Variants in PCDHGA2 observed in about 807,000 individuals in gnomAD.
PCDHGA2 encodes the protein protocadherin gamma-A2.
Under a neutral mutation model 59.2 loss-of-function variants are expected in PCDHGA2, and 40 were observed. The ratio of observed to expected loss-of-function variants is 0.68; its 90% CI spans 0.52 to 0.88. The LOEUF is 0.88. Among genes scored for constraint, PCDHGA2 ranks in the 40% least tolerant of loss-of-function variants. The pLI is 0.00. For missense variants in PCDHGA2, 1,226 were observed against 1,204.0 expected, an observed-to-expected ratio of 1.02 and a Z score of -0.27; for synonymous variants, 560 against 526.0, an observed-to-expected ratio of 1.06 and a Z score of -0.89.
intron 1 of PCDHGA2, among the ~76,000 whole-genome samples, chr5:141,484,720 G>A (rs1458277947): frequency 2.6e-5 from 4 of 151,988 alleles, no homozygotes; most frequent in African/African-American, 7.2e-5. Flanking sequence ...GAAAAGGGGC[G>A]GGGTCAGTCG....
intron 1 of PCDHGA2, among the ~76,000 whole-genome samples, chr5:141,483,646 GTT>G (rs2099584256): frequency 6.8e-6 from 1 of 146,706 alleles, no homozygotes; most frequent in Admixed American, 6.7e-5. Flanking sequence ...AGGGGTGTGT[GTT>G]TGTGTGTGTG....
chr5:141,485,074 G>C lies in PCDHGA2; in HGVS notation c.2425-9733G>C, dbSNP rs2099606548. ...GGCCGAACCGCGCCAGAGCTGGCGC[G>C]GGGAAAGGGAGATAGGTGTCTCCAG... On this transcript the variant is annotated intron_variant, in intron 1 of 3. Coordinates refer to ENST00000394576, the MANE Select transcript of PCDHGA2 (RefSeq NM_018915.4). The surrounding 1 kb of genome is among the most constrained non-coding windows in gnomAD (Gnocchi z 5.7). 1 of 926,946 alleles carries C rather than the reference G, an allele frequency of 1.1e-6. No individual in the cohort carries two copies. The highest frequency in any genetic ancestry group is 1.6e-5 in the South Asian group (1 of 62,606). The allele number at this position is 926,946 out of a possible 1,614,324, so 57.4% of individuals were successfully genotyped here.
chr5:141,371,538 A>G, intron 1 of PCDHGA2: 1 of 1,613,804 alleles, frequency 6.2e-7, no homozygotes, highest in Non-Finnish European at 8.5e-7. Context: ...TAATGGAGAA[A>G]TCCTATGCCA....
intron 1 of PCDHGA2, chr5:141,383,906 C>T (rs1779578930): frequency 6.2e-7 from 1 of 1,613,814 alleles, no homozygotes; most frequent in African/African-American, 1.3e-5. Flanking sequence ...GTACTGATCA[C>T]AGTTTTAGAT....
At position 141,350,326 on chromosome 5, in the gene PCDHGA2, G is replaced by T. The variant is rs369048621; in HGVS notation, c.2424+8931G>T. On this transcript the variant is annotated intron_variant, in intron 1 of 3. Transcript: ENST00000394576. ...TACTGTTTCCCTTCCTGCTGTCTTT[G>T]TTCTGCGGGGCCATCTCCCAGCAGA... 9 of 1,534,408 alleles carry T rather than the reference G, an allele frequency of 5.9e-6. No individual in the cohort carries two copies. Among genetic ancestry groups the T allele is most frequent in the African/African-American group, 1.4e-5 (1 of 72,254 alleles).
In PCDHGA2 at chr5:141,364,711, T is replaced by C. The variant is rs370237297; in HGVS notation, c.2424+23316T>C. ...TAGAAGTAGAAATAATCGATATTAA[T>C]GATAACTTCCCGCGTTTCCGGGATG... On this transcript the variant is annotated intron_variant, in intron 1 of 3. Transcript: ENST00000394576. 48 of 1,613,870 alleles carry C rather than the reference T, an allele frequency of 3.0e-5. No homozygotes were observed. In the African/African-American group the frequency reaches 5.1e-4, roughly 17 times the overall value.
chr5:141,449,876 C>G (rs924666805), intron 1 of PCDHGA2, among the ~76,000 whole-genome samples: 2 of 151,724 alleles, frequency 1.3e-5, no homozygotes, highest in Non-Finnish European at 2.9e-5. Flanking sequence ...AATTTAACAT[C>G]AATGCAATAT....
intron 1 of PCDHGA2, chr5:141,372,944 T>C: frequency 5.1e-6 from 4 of 788,876 alleles, no homozygotes; most frequent in Non-Finnish European, 7.7e-6. Context: ...GTAGGGTGTC[T>C]AGGAAATTCT....
At position 141,431,918 on chromosome 5, in the gene PCDHGA2, C is replaced by T; in HGVS notation, c.2425-62889C>T. On this transcript the variant is annotated intron_variant, in intron 1 of 3. Transcript: ENST00000394576. This position sits in a 1 kb window ranked among gnomAD's most constrained non-coding sequence, Gnocchi z 4.8. Reference sequence around the variant, plus strand: ...AAACGGACAGGTGATCTGTTTCATCCAAGGAAATCTGCCCTTTAAATTAGA... The same window carrying T: ...AAACGGACAGGTGATCTGTTTCATCTAAGGAAATCTGCCCTTTAAATTAGA... The T allele has an allele frequency of 6.2e-7, 1 of 1,613,998 alleles. No individual in the cohort carries two copies. The highest frequency in any genetic ancestry group is 8.5e-7 in the Non-Finnish European group (1 of 1,179,862).
At chr5:141,375,557 G>T (rs1160596322) in intron 1 of PCDHGA2, 1 of 1,613,988 alleles carries the variant, frequency 6.2e-7, no homozygotes, top group Admixed American at 1.7e-5. Context: ...CTACTCACTG[G>T]CAGAAGACAC....
At position 141,375,804 on chromosome 5, in the gene PCDHGA2, G is replaced by A. The variant is rs375695435; in HGVS notation, c.2424+34409G>A. 1,032 of 1,614,192 alleles carry A rather than the reference G, an allele frequency of 6.4e-4. 20 individuals carry two copies. In the South Asian group the frequency reaches 0.011, roughly 17 times the overall value. ...GCCCTCCCCACAGACGGTTCCACTG[G>A]CGTGGAGCTGGCGCCCCGCTCCGCA... On this transcript the variant is annotated intron_variant, in intron 1 of 3. Coordinates refer to ENST00000394576, the MANE Select transcript of PCDHGA2 (RefSeq NM_018915.4).
chr5:141,488,054 A>G (rs1255295788), intron 1 of PCDHGA2, among the ~76,000 whole-genome samples: 1 of 152,206 alleles, frequency 6.6e-6, no homozygotes, highest in Admixed American at 6.5e-5. Flanking sequence ...TTGAGGGGAA[A>G]TAAAATCTTT....
chr5:141,416,031 C>G (rs1301059596), intron 1 of PCDHGA2: 1 of 207,362 alleles, frequency 4.8e-6, no homozygotes, highest in Non-Finnish European at 9.4e-6. Context: ...AGAAAGAAAT[C>G]ACCTCTGGAA....
At position 141,491,561 on chromosome 5, in the gene PCDHGA2, A is replaced by C. The variant is rs1289732955; in HGVS notation, c.2425-3246A>C. The C allele has an allele frequency of 1.2e-6, 2 of 1,613,938 alleles. No homozygotes were observed. Among genetic ancestry groups the C allele is most frequent in the Admixed American group, 3.3e-5 (2 of 60,016 alleles). On this transcript the variant is annotated intron_variant, in intron 1 of 3. Transcript: ENST00000394576. This position sits in a 1 kb window ranked among gnomAD's most constrained non-coding sequence, Gnocchi z 6.9. ...CCCACAGACTCGCAGAGCCACTGCT[A>C]CAGGACGTGCTTTTCACCGGCCTCG...
intron 1 of PCDHGA2, chr5:141,417,573 C>A: frequency 2.7e-6 from 1 of 377,070 alleles, no homozygotes; most frequent in Non-Finnish European, 4.7e-6. Flanking sequence ...AGTCAAGTTG[C>A]AGTCCCACAC....
chr5:141,390,189 G>A (rs1295174277), intron 1 of PCDHGA2: 3 of 1,613,922 alleles, frequency 1.9e-6, no homozygotes, highest in East Asian at 2.2e-5. Flanking sequence ...AAAATGTAGT[G>A]AGCAGTTGAG....
chr5:141,355,281 G>A (rs1201255791), intron 1 of PCDHGA2: 3 of 1,613,732 alleles, frequency 1.9e-6, no homozygotes, highest in Non-Finnish European at 1.7e-6. Flanking sequence ...TGGAAATCAG[G>A]GCCGAACAGA....
rs1688094877 is a variant in PCDHGA2 at position 141,432,625 on chromosome 5, C to T, written c.2425-62182C>T. 1.2e-6 allele frequency: 2 copies of T among 1,613,240 alleles called. No individual in the cohort carries two copies. The highest frequency in any genetic ancestry group is 1.7e-6 in the Non-Finnish European group (2 of 1,179,778). ...CGGGACTCTTCTCGGTGGGTCTGCA[C>T]ACGGGCGAGGTGCGCACGGCGCGAG... On this transcript the variant is annotated intron_variant, in intron 1 of 3. Coordinates refer to ENST00000394576, the MANE Select transcript of PCDHGA2 (RefSeq NM_018915.4). The surrounding 1 kb of genome is among the most constrained non-coding windows in gnomAD (Gnocchi z 6.0).
chr5:141,479,324 C>G (rs2099492748), intron 1 of PCDHGA2: 1 of 152,556 alleles, frequency 6.6e-6, no homozygotes, highest in Admixed American at 6.5e-5. Context: ...TAGCCAGACT[C>G]AGTGGTGTGC....
Sources: gnomAD v4.1 joint callset for allele counts (sites outside exome capture counted in the v4.1 genomes callset) on GRCh38, gnomAD v4.1.1 for gene constraint, Gnocchi (gnomAD v3.1) non-coding constraint, MANE v1.5 for transcripts, NCBI Gene and HGNC (gene_info 2026-07-23, HGNC 2026-07-21) for gene names.